Variants in DPP4 observed in about 807,000 individuals in gnomAD.
DPP4 encodes dipeptidyl peptidase 4.
Under a neutral mutation model 122.4 loss-of-function variants are expected in DPP4, and 93 were observed. That is an observed-to-expected ratio of 0.76 (90% CI 0.64 to 0.90). The LOEUF is 0.90. Ranked by LOEUF, DPP4 falls within the 40% of genes least tolerant of loss-of-function variation. The pLI, the probability that DPP4 is intolerant of heterozygous loss-of-function variation, is 0.00. For missense variants in DPP4, 914 were observed against 907.3 expected (o/e 1.01, Z -0.09); for synonymous variants, 321 against 302.9 (o/e 1.06, Z -0.62).
rs573471752 is a variant in DPP4 at position 162,049,232 on chromosome 2, A to G, written c.95-1731T>C. ...TTTCTTACAGAAAATGCTCTTTCAA[A>G]CAATGTTCTTAAGATTTTATTTCTT... On this transcript the variant is annotated intron_variant, in intron 2 of 25. Transcript: ENST00000360534. Among the ~76,000 whole-genome samples, 5 of 152,312 alleles carry G rather than the reference A, an allele frequency of 3.3e-5. No homozygotes were observed. In the East Asian group the frequency reaches 9.6e-4, roughly 29 times the overall value.
chr2:162,013,323 A>C (rs1020831403), intron 19 of DPP4, among the ~76,000 whole-genome samples: 1 of 152,194 alleles, frequency 6.6e-6, no homozygotes, highest in African/African-American at 2.4e-5. Flanking sequence ...CCGAAGCCTA[A>C]AACAAATTAG....
chr2:162,063,202 T>G (rs189976286), intron 2 of DPP4, among the ~76,000 whole-genome samples: 1 of 152,050 alleles, frequency 6.6e-6, no homozygotes, highest in African/African-American at 2.4e-5. Flanking sequence ...ACTACAAAAA[T>G]AGAATTGCCA....
chr2:162,063,309 C>G (rs1388563196), intron 2 of DPP4, among the ~76,000 whole-genome samples: 1 of 152,074 alleles, frequency 6.6e-6, no homozygotes, highest in African/African-American at 2.4e-5. Flanking sequence ...GTCCAGTAAG[C>G]AGTTGTATAC....
chr2:162,059,829 C>T (rs552436741), intron 2 of DPP4, among the ~76,000 whole-genome samples: 98 of 152,312 alleles, frequency 6.4e-4, no homozygotes, highest in Non-Finnish European at 7.8e-4. Flanking sequence ...ATACTACCTG[C>T]GTCTGGAGCT....
rs927951204 is a variant in DPP4, at chr2:161,992,575, C to T, written c.*708G>A. 2.6e-5 allele frequency: 4 copies of T among 152,624 alleles called. No individual in the cohort carries two copies. The highest frequency in any genetic ancestry group is 4.4e-5 in the Non-Finnish European group (3 of 68,050). 9.5% of individuals were successfully genotyped at this position (152,624 alleles called of 1,614,324 possible). A position where few individuals can be genotyped will look rare whatever the true frequency, so the allele number is the denominator to read the frequency against. On this transcript the variant is annotated 3_prime_UTR_variant, in exon 26 of 26. Coordinates refer to ENST00000360534, the MANE Select transcript of DPP4 (RefSeq NM_001935.4). ...CACATTTACAATGCTTTCCCATCAC[C>T]CTTGCTGTGTTTTTGTAGCACCTAT...
chr2:162,008,712 T>C, intron 21 of DPP4, 51 bp from the exon 22 acceptor site: 4 of 1,507,160 alleles, frequency 2.7e-6, no homozygotes, highest in Non-Finnish European at 3.7e-6. Flanking sequence ...TAAGGACATA[T>C]GGTAAGCGAG....
At position 162,003,557 on chromosome 2, in the gene DPP4, C is replaced by T. The variant is rs570584990; in HGVS notation, c.2052+2188G>A. On this transcript the variant is annotated intron_variant, in intron 23 of 25. Coordinates refer to ENST00000360534, the MANE Select transcript of DPP4 (RefSeq NM_001935.4). ...TTTAAAATATAATTTTTTAAATGAA[C>T]GTTTTGGATTCATCATACACCATGT... 2.6e-5 allele frequency among the ~76,000 whole-genome samples: 4 copies of T among 152,152 alleles called. No individual in the cohort carries two copies. The South Asian group carries it at 6.2e-4, about 24-fold the overall frequency.
At chr2:162,044,051 T>G (rs1684089601) in intron 5 of DPP4, among the ~76,000 whole-genome samples, 2 of 152,096 alleles carry the variant, frequency 1.3e-5, no homozygotes, top group Non-Finnish European at 2.9e-5. Context: ...AAGATACTGA[T>G]TCTGGCTTTA....
intron 2 of DPP4, among the ~76,000 whole-genome samples, chr2:162,062,261 G>A (rs1045270674): frequency 3.3e-5 from 5 of 152,166 alleles, no homozygotes; most frequent in African/African-American, 7.2e-5. Flanking sequence ...CAGCCTGAGC[G>A]ACAGAGCAAG....
rs977346089 is a variant in DPP4 at position 162,038,200 on chromosome 2, CT to C, written c.613+101del. 8.1e-4 allele frequency: 946 copies of C among 1,170,326 alleles called. 3 individuals are homozygous for C. The highest frequency in any genetic ancestry group is 9.6e-4 in the Non-Finnish European group (820 of 850,100). 72.5% of individuals were successfully genotyped at this position (1,170,326 alleles called of 1,614,324 possible). On this transcript the variant is annotated intron_variant, in intron 8 of 25. Coordinates refer to ENST00000360534, the MANE Select transcript of DPP4 (RefSeq NM_001935.4). ...TCTGATGACATTTTAAACAATGAAA[CT>C]TTTTTTCAATCTCATTTAAATTTTC...
rs1340061435 is a variant in DPP4 at position 161,995,339 on chromosome 2, T to G, written c.2086A>C (p.Lys696Gln). The part of the protein sequence containing the change: ...STVMSRAENF[K>Q]QVEYLLIHGT... ...TGAATAAGGAGGTACTCAACTTGTT[T>G]AAAATTTTCAGCTCTGCTCATGACT... Residue 696 changes from lysine to glutamine, a missense_variant, in exon 24 of 26, where the codon AAA becomes CAA. Physicochemically the swap from Lys to Gln is moderately conservative, Grantham distance 53. Coordinates refer to ENST00000360534, the MANE Select transcript of DPP4 (RefSeq NM_001935.4). 5.0e-6 allele frequency: 8 copies of G among 1,614,134 alleles called. No homozygotes were observed. The South Asian group carries it at 8.8e-5, about 18-fold the overall frequency.
intron 2 of DPP4, among the ~76,000 whole-genome samples, chr2:162,063,661 C>T (rs1412392890): frequency 6.6e-6 from 1 of 151,274 alleles, no homozygotes; most frequent in East Asian, 1.9e-4. Flanking sequence ...GGGACCTTGA[C>T]AAGAATACAG....
At chr2:162,069,896 T>C (rs1409411514) in intron 2 of DPP4, among the ~76,000 whole-genome samples, 1 of 152,170 alleles carries the variant, frequency 6.6e-6, no homozygotes, top group Admixed American at 6.5e-5. Context: ...AATTTACCAC[T>C]AAAGCAGTGA....
At position 162,009,277 on chromosome 2, in the gene DPP4, T is replaced by C; in HGVS notation, c.1851A>G (p.Gly617=). The C allele has an allele frequency of 1.2e-6, 2 of 1,613,746 alleles. No homozygotes were observed. The change falls in exon 21 of 26, where the codon GGA becomes GGG. Residue 617 remains glycine, a synonymous_variant. Transcript: ENST00000360534. ...TTGCAATTCGTTTGTTGTCCACAAATCCCATTTTTGAAAATTGTCTAAAAC... is the reference window on the plus strand; with the variant it reads ...TTGCAATTCGTTTGTTGTCCACAAACCCCATTTTTGAAAATTGTCTAAAAC... ...IEAARQFSKM[G]FVDNKRIAIW...
Position 162,011,846 on chromosome 2 carries a change from T to G in DPP4, c.1779A>C (p.Ala593=). The G allele has an allele frequency of 1.9e-6, 3 of 1,613,778 alleles. No individual in the cohort carries two copies. Residue 593 remains alanine (A), a synonymous_variant, in exon 20 of 26, where the codon GCA becomes GCC. Coordinates refer to ENST00000360534, the MANE Select transcript of DPP4 (RefSeq NM_001935.4). ...SGYQGDKIMH[A]INRRLGTFEV... is the part of the protein sequence containing the mutation. Reference sequence around the variant, plus strand: ...CAAATGTTCCCAGTCTTCTGTTGATTGCATGCATGATCTTATCTCCTTGGT... The same window carrying G: ...CAAATGTTCCCAGTCTTCTGTTGATGGCATGCATGATCTTATCTCCTTGGT...
At position 162,016,865 on chromosome 2, in the gene DPP4, C is replaced by T. The variant is rs369766614; in HGVS notation, c.1470G>A (p.Gly490=). 13 of 1,608,826 alleles carry T rather than the reference C, an allele frequency of 8.1e-6. No homozygotes were observed. The African/African-American group carries it at 1.6e-4, about 20-fold the overall frequency. The part of the protein sequence containing the change: ...YTLHSSVNDK[G]LRVLEDNSAL... Reference sequence around the variant, plus strand: ...CTGAATTGTCTTCCAGGACTCTCAGCCCTAAAGAAATACAGGAGACAGCAG... The same window carrying T: ...CTGAATTGTCTTCCAGGACTCTCAGTCCTAAAGAAATACAGGAGACAGCAG... Residue 490 remains glycine (G), a splice_region_variant and synonymous_variant, in exon 18 of 26, where the codon GGG becomes GGA. Transcript: ENST00000360534.
intron 2 of DPP4, among the ~76,000 whole-genome samples, chr2:162,049,349 C>G (rs1684300519): frequency 6.6e-6 from 1 of 152,144 alleles, no homozygotes; most frequent in African/African-American, 2.4e-5. Flanking sequence ...AAGCTGGAAG[C>G]CATTATCCTC....
intron 1 of DPP4, 77 bp downstream of exon 1, chr2:162,073,899 G>A (rs1685214473): frequency 1.3e-6 from 2 of 1,586,842 alleles, no homozygotes; most frequent in African/African-American, 1.3e-5. Flanking sequence ...GGTTTCGCCA[G>A]CTTTTGGGCC....
intron 22 of DPP4, among the ~76,000 whole-genome samples, chr2:162,006,811 C>G (rs186304911): frequency 6.6e-6 from 1 of 152,178 alleles, no homozygotes; most frequent in African/African-American, 2.4e-5. Context: ...GACCAGATTA[C>G]AGTTAAAGAG....
Sources: allele counts gnomAD v4.1 joint callset (sites outside exome capture counted in the v4.1 genomes callset), GRCh38; gene constraint gnomAD v4.1.1; transcripts MANE v1.5; gene names NCBI Gene and HGNC (gene_info 2026-07-23, HGNC 2026-07-21).